APBA1: variants seen among roughly 807,000 people sequenced by gnomAD.
APBA1 encodes amyloid beta precursor protein binding family A member 1, also known as amyloid-beta A4 precursor protein-binding family A member 1.
In APBA1, 55 loss-of-function variants were observed where a neutral mutation model predicts 86.6. The ratio of observed to expected loss-of-function variants is 0.64; its 90% CI spans 0.51 to 0.80. APBA1 has a LOEUF of 0.80. Ranked by LOEUF, APBA1 falls within the 30% of genes least tolerant of loss-of-function variation. The probability of loss-of-function intolerance (pLI) is 0.00; values close to 1 mark genes in which losing one functional copy is unlikely to be tolerated. For synonymous variants in APBA1, 511 were observed against 493.9 expected, an observed-to-expected ratio of 1.03 and a Z score of -0.46; for missense variants, 1,090 against 1,183.0, an observed-to-expected ratio of 0.92 and a Z score of 1.15.
intron 11 of APBA1, among the ~76,000 whole-genome samples, chr9:69,436,056 T>C (rs1247610030): frequency 6.6e-6 from 1 of 151,274 alleles, no homozygotes; most frequent in African/African-American, 2.4e-5. Flanking sequence ...CCATTGCTTG[T>C]TTTTCTCAGG....
chr9:69,434,846 C>A (rs910200370), intron 11 of APBA1, among the ~76,000 whole-genome samples: 16 of 151,900 alleles, frequency 1.1e-4, no homozygotes, highest in Non-Finnish European at 1.9e-4. Flanking sequence ...GCACAACGTG[C>A]AGGTTTGTTA....
chr9:69,518,969 C>T (rs546774140), intron 1 of APBA1, among the ~76,000 whole-genome samples: 1 of 152,274 alleles, frequency 6.6e-6, no homozygotes, highest in South Asian at 2.1e-4. Context: ...GACTGATTCT[C>T]GCTAGAAGAA....
At chr9:69,598,281 G>A (rs1182209997) in intron 1 of APBA1, among the ~76,000 whole-genome samples, 1 of 151,840 alleles carries the variant, frequency 6.6e-6, no homozygotes, top group Non-Finnish European at 1.5e-5. Flanking sequence ...TGGGGACTGT[G>A]GTGGGGTGGG....
chr9:69,573,132 C>CCTCGCG (rs914337587), intron 1 of APBA1, among the ~76,000 whole-genome samples: 2 of 152,002 alleles, frequency 1.3e-5, no homozygotes, highest in Non-Finnish European at 2.9e-5. Flanking sequence ...TGCACTCCAG[C>CCTCGCG]CTCGCGACAG....
rs1351044665 is a variant in APBA1, at chr9:69,516,545, C to T, written c.666G>A (p.Glu222=). Residue 222 remains glutamate (E), a synonymous_variant, in exon 2 of 13, where the codon GAG becomes GAA. Transcript: ENST00000265381. The surrounding 1 kb of genome is among the most constrained non-coding windows in gnomAD (Gnocchi z 7.3). ...GLRLYEQERD[E]AAAYRQEALG... Reference sequence around the variant, plus strand: ...GGGCCTCCTGGCGGTACGCGGCCGCCTCGTCGCGCTCCTGCTCGTAGAGCC... The same window carrying T: ...GGGCCTCCTGGCGGTACGCGGCCGCTTCGTCGCGCTCCTGCTCGTAGAGCC... The T allele has an allele frequency of 6.3e-7, 1 of 1,596,012 alleles. No individual in the cohort carries two copies. The highest frequency in any genetic ancestry group is 1.1e-5 in the South Asian group (1 of 90,560).
intron 2 of APBA1, among the ~76,000 whole-genome samples, chr9:69,483,818 A>G (rs890944165): frequency 2.0e-5 from 3 of 152,058 alleles, no homozygotes; most frequent in African/African-American, 7.2e-5. Context: ...TGGCATAAAG[A>G]ACCCCAGACC....
chr9:69,443,818 T>C (rs1030274087), intron 10 of APBA1, among the ~76,000 whole-genome samples: 1 of 152,230 alleles, frequency 6.6e-6, no homozygotes, highest in African/African-American at 2.4e-5. Flanking sequence ...ATGCCCCATA[T>C]ACACAACCAG....
chr9:69,490,734 C>T (rs1835694871), intron 2 of APBA1, among the ~76,000 whole-genome samples: 1 of 151,990 alleles, frequency 6.6e-6, no homozygotes. Flanking sequence ...CCAGAGTCTA[C>T]AAAGAACTCA....
chr9:69,441,002 A>C lies in APBA1; in HGVS notation c.2295T>G (p.Asn765Lys), dbSNP rs778495671. 1 of 1,613,776 alleles carries C rather than the reference A, an allele frequency of 6.2e-7. No homozygotes were observed. ...LRYQLGFSVQNGIICSLMRGG... is the reference protein window; with the variant it reads ...LRYQLGFSVQKGIICSLMRGG... ...TGGAAGGTGTTCTACTTACAATTCC[A>C]TTCTGGACGCTGAAACCGAGCTGGT... is the stretch of plus-strand genomic sequence containing the variant. Residue 765 changes from asparagine to lysine, a missense_variant, in exon 11 of 13, where the codon AAT (asparagine) becomes AAG (lysine). Around this residue, in one of 6 missense-constraint regions of APBA1, gnomAD observed 119 missense variants for 124.8 expected, o/e 0.95. Coordinates refer to ENST00000265381, the MANE Select transcript of APBA1 (RefSeq NM_001163.4).
At chr9:69,619,630 G>T (rs559586079) in intron 1 of APBA1, among the ~76,000 whole-genome samples, 1 of 152,244 alleles carries the variant, frequency 6.6e-6, no homozygotes, top group South Asian at 2.1e-4. Flanking sequence ...TCAGACACAG[G>T]CTCCCTCCCC....
intron 1 of APBA1, among the ~76,000 whole-genome samples, chr9:69,625,991 T>C (rs943840344): frequency 1.3e-5 from 2 of 152,164 alleles, no homozygotes; most frequent in Non-Finnish European, 2.9e-5. Context: ...ACTTGGATAC[T>C]GGGGGAGACT....
At chr9:69,563,608 T>G (rs754174096) in intron 1 of APBA1, among the ~76,000 whole-genome samples, 7 of 152,198 alleles carry the variant, frequency 4.6e-5, no homozygotes, top group Non-Finnish European at 1.0e-4. Flanking sequence ...AGAGAGTATA[T>G]TAGCTCATAT....
Position 69,567,780 on chromosome 9 carries a change from A to G in APBA1, c.-69-50501T>C, listed in dbSNP as rs375680108. ...GAGGTGCAGGCCTTCTTCAAATGGCACTGGGGTCCGGGACATCCTGTGGGG... is the reference window on the plus strand; with the variant it reads ...GAGGTGCAGGCCTTCTTCAAATGGCGCTGGGGTCCGGGACATCCTGTGGGG... On this transcript the variant is annotated intron_variant, in intron 1 of 12. Coordinates refer to ENST00000265381, the MANE Select transcript of APBA1 (RefSeq NM_001163.4). 5.0e-4 allele frequency among the ~76,000 whole-genome samples: 76 copies of G among 152,228 alleles called. 1 individual carries two copies. The highest frequency in any genetic ancestry group is 1.7e-3 in the African/African-American group (71 of 41,546).
At chr9:69,524,572 A>G (rs1029445028) in intron 1 of APBA1, among the ~76,000 whole-genome samples, 2 of 151,818 alleles carry the variant, frequency 1.3e-5, no homozygotes, top group Non-Finnish European at 2.9e-5. Flanking sequence ...CCAAAACTGA[A>G]TCAGTAATAC....
chr9:69,580,043 T>C (rs1261580935), intron 1 of APBA1, among the ~76,000 whole-genome samples: 1 of 152,174 alleles, frequency 6.6e-6, no homozygotes, highest in Non-Finnish European at 1.5e-5. Flanking sequence ...AAAATGCAAG[T>C]TCTAATTTAA....
intron 1 of APBA1, among the ~76,000 whole-genome samples, chr9:69,613,475 A>G (rs1005661003): frequency 2.6e-5 from 4 of 152,074 alleles, no homozygotes; most frequent in African/African-American, 4.8e-5. Flanking sequence ...CGGAAGTTCC[A>G]CTTTTGCTGT....
chr9:69,668,371 C>T (rs1031449286), intron 1 of APBA1, among the ~76,000 whole-genome samples: 1 of 152,192 alleles, frequency 6.6e-6, no homozygotes, highest in Non-Finnish European at 1.5e-5. Flanking sequence ...TTCCCTTCCT[C>T]ACTTTCCAGT....
At chr9:69,597,873 T>C (rs976355052) in intron 1 of APBA1, among the ~76,000 whole-genome samples, 4 of 152,172 alleles carry the variant, frequency 2.6e-5, no homozygotes, top group Non-Finnish European at 1.5e-5. Context: ...GAAGTCAGTG[T>C]GGCGATTCCT....
intron 1 of APBA1, among the ~76,000 whole-genome samples, chr9:69,634,527 TA>T (rs1823116516): frequency 6.6e-6 from 1 of 151,700 alleles, no homozygotes; most frequent in African/African-American, 2.4e-5. Flanking sequence ...AAATAGGAGG[TA>T]GAGAGAGAGA....
Sources: gnomAD v4.1 joint callset for allele counts (sites outside exome capture counted in the v4.1 genomes callset) on GRCh38, gnomAD v4.1.1 for gene constraint, gnomAD v4.1.1 regional missense constraint, Gnocchi (gnomAD v3.1) non-coding constraint, MANE v1.5 for transcripts, NCBI Gene and HGNC (gene_info 2026-07-23, HGNC 2026-07-21) for gene names.